The following CD44 variants were observed in gnomAD, a reference collection of about 807,000 sequenced individuals.
CD44 encodes the protein CD44 antigen.
A neutral mutation model predicts 88.8 loss-of-function variants in CD44; 49 were observed. That is an observed-to-expected ratio of 0.55 (90% CI 0.44 to 0.70). The LOEUF (loss-of-function observed/expected upper bound fraction) is 0.70. Among genes scored for constraint, CD44 ranks in the 30% least tolerant of loss-of-function variants. The pLI is 0.00. For synonymous variants in CD44, 325 were observed against 312.3 expected (o/e 1.04, Z -0.43); for missense variants, 883 against 913.8 (o/e 0.97, Z 0.43).
At chr11:35,164,230 C>T (rs983508486) in intron 1 of CD44, among the ~76,000 whole-genome samples, 1 of 151,984 alleles carries the variant, frequency 6.6e-6, no homozygotes, top group Admixed American at 6.6e-5. Flanking sequence ...TGAGTCTTAG[C>T]TAACTCATGT....
At chr11:35,160,011 G>A (rs1942399614) in intron 1 of CD44, among the ~76,000 whole-genome samples, 1 of 152,150 alleles carries the variant, frequency 6.6e-6, no homozygotes, top group Non-Finnish European at 1.5e-5. Flanking sequence ...GAAAGGAGGT[G>A]GTGGAAACTT....
chr11:35,230,296 G>C lies in CD44; in HGVS notation c.*963G>C, dbSNP rs1308505083. Reference sequence around the variant, plus strand: ...CAGAGTTGGAAGCTGAGGAGCTTCAGCCTCTTTTATGGTTTAATGGCCACC... The same window carrying C: ...CAGAGTTGGAAGCTGAGGAGCTTCACCCTCTTTTATGGTTTAATGGCCACC... On this transcript the variant is annotated 3_prime_UTR_variant, in exon 18 of 18. Coordinates refer to ENST00000428726, the MANE Select transcript of CD44 (RefSeq NM_000610.4). 6.6e-6 allele frequency: 1 copy of C among 151,844 alleles called. No homozygotes were observed. The highest frequency in any genetic ancestry group is 1.5e-5 in the Non-Finnish European group (1 of 67,984). The allele number at this position is 151,844 out of a possible 1,614,324, so 9.4% of individuals were successfully genotyped here. A position where few individuals can be genotyped will look rare whatever the true frequency, so the allele number is the denominator to read the frequency against.
intron 12 of CD44, among the ~76,000 whole-genome samples, chr11:35,209,196 G>A (rs1948171729): frequency 6.6e-6 from 1 of 151,008 alleles, no homozygotes. Context: ...TGCAACTCAG[G>A]TCAGTACCTT....
At chr11:35,176,193 C>T (rs1183463573) in intron 1 of CD44, among the ~76,000 whole-genome samples, 2 of 152,118 alleles carry the variant, frequency 1.3e-5, no homozygotes, top group Admixed American at 6.5e-5. Flanking sequence ...CAGGCGCCCG[C>T]CACCACGCCC....
At chr11:35,197,350 A>G (rs1259239290) in intron 6 of CD44, 2 of 152,578 alleles carry the variant, frequency 1.3e-5, no homozygotes, top group Non-Finnish European at 2.9e-5. Context: ...TCTCATTTAA[A>G]ATGTAGAAAA....
chr11:35,190,719 A>G (rs1270757316), intron 5 of CD44, among the ~76,000 whole-genome samples: 1 of 152,210 alleles, frequency 6.6e-6, no homozygotes, highest in African/African-American at 2.4e-5. Context: ...ACGATAATTT[A>G]CTCAACAATT....
intron 1 of CD44, among the ~76,000 whole-genome samples, chr11:35,173,575 A>G (rs1200048486): frequency 6.6e-6 from 1 of 152,234 alleles, no homozygotes; most frequent in African/African-American, 2.4e-5. Context: ...TAATGATGCA[A>G]ACAAAAGAAA....
intron 5 of CD44, among the ~76,000 whole-genome samples, chr11:35,191,212 C>G (rs968442217): frequency 6.6e-5 from 10 of 152,276 alleles, no homozygotes; most frequent in African/African-American, 2.4e-4. Flanking sequence ...CTTCTCTATT[C>G]CTTGTCACCC....
chr11:35,202,700 AG>A (rs1480558234), intron 9 of CD44, among the ~76,000 whole-genome samples: 2 of 152,162 alleles, frequency 1.3e-5, no homozygotes, highest in African/African-American at 4.8e-5. Flanking sequence ...ACAAAAGAAA[AG>A]TTTCAGGTAT....
intron 1 of CD44, among the ~76,000 whole-genome samples, chr11:35,158,705 C>G (rs911835037): frequency 2.0e-5 from 3 of 152,210 alleles, no homozygotes; most frequent in Non-Finnish European, 4.4e-5. Context: ...AAAACATTAG[C>G]CAATAAACTC....
At chr11:35,184,683 C>T (rs1053794994) in intron 3 of CD44, among the ~76,000 whole-genome samples, 1 of 152,162 alleles carries the variant, frequency 6.6e-6, no homozygotes, top group African/African-American at 2.4e-5. Flanking sequence ...GAAGCAGGGA[C>T]AGAAACATGC....
At chr11:35,151,021 CA>C (rs1309656383) in intron 1 of CD44, among the ~76,000 whole-genome samples, 1 of 152,150 alleles carries the variant, frequency 6.6e-6, no homozygotes, top group African/African-American at 2.4e-5. Context: ...AGAGCATAAC[CA>C]AGTGTCAGAA....
chr11:35,223,470 GT>G, intron 17 of CD44: 2 of 177,606 alleles, frequency 1.1e-5, no homozygotes, highest in Non-Finnish European at 2.2e-5. Flanking sequence ...CATCTCAGCT[GT>G]CCCTAAGAGC....
intron 1 of CD44, among the ~76,000 whole-genome samples, chr11:35,157,723 T>G (rs1218749001): frequency 1.3e-5 from 2 of 152,200 alleles, no homozygotes; most frequent in Non-Finnish European, 2.9e-5. Flanking sequence ...TCTTCCACAG[T>G]TTCCTGCAAG....
intron 9 of CD44, 100 bp from the exon 10 acceptor site, chr11:35,204,412 C>A: frequency 9.1e-7 from 1 of 1,104,288 alleles, no homozygotes; most frequent in South Asian, 1.5e-5. Flanking sequence ...TTCTACCTTC[C>A]CTCCCCATGT....
chr11:35,157,106 T>G (rs1052456074), intron 1 of CD44, among the ~76,000 whole-genome samples: 1 of 152,216 alleles, frequency 6.6e-6, no homozygotes, highest in Admixed American at 6.5e-5. Flanking sequence ...AGTGACCTTG[T>G]CTGCTTTATT....
chr11:35,205,803 C>T, intron 10 of CD44: 1 of 1,018,676 alleles, frequency 9.8e-7, no homozygotes, highest in Non-Finnish European at 1.2e-6. Flanking sequence ...GGCAGCATGG[C>T]ATGGGTCAAG....
chr11:35,186,858 G>A lies in CD44; in HGVS notation c.394G>A (p.Val132Ile). ...TCCACCTGAAGAAGATTGTACATCA[G>A]TCACAGACCTGCCCAATGCCTTTGA... Reference protein sequence around the residue: ...SAPPEEDCTSVTDLPNAFDGP... With the variant: ...SAPPEEDCTSITDLPNAFDGP... The change falls in exon 4 of 18, where the codon GTC (valine) becomes ATC (isoleucine). Residue 132 changes from valine to isoleucine, a missense_variant. By Grantham distance (29) the Val-to-Ile change is conservative. Around this residue, in one of 2 missense-constraint regions of CD44, gnomAD observed 252 missense variants for 322.9 expected, o/e 0.78. Transcript: ENST00000428726. 6.2e-7 allele frequency: 1 copy of A among 1,607,858 alleles called. No individual in the cohort carries two copies. Among genetic ancestry groups the A allele is most frequent in the East Asian group, 2.2e-5 (1 of 44,838 alleles).
chr11:35,185,469 C>T (rs1945566220), intron 3 of CD44, among the ~76,000 whole-genome samples: 1 of 152,156 alleles, frequency 6.6e-6, no homozygotes, highest in South Asian at 2.1e-4. Flanking sequence ...ACTTGTGTTT[C>T]TATCCACTTT....
Sources: allele counts gnomAD v4.1 joint callset (sites outside exome capture counted in the v4.1 genomes callset), GRCh38; gene constraint gnomAD v4.1.1; regional missense constraint gnomAD v4.1.1; transcripts MANE v1.5; gene names NCBI Gene and HGNC (gene_info 2026-07-23, HGNC 2026-07-21).